The following PLPP2 variants were observed in gnomAD, a reference collection of about 807,000 sequenced individuals.
The protein encoded by PLPP2 is phospholipid phosphatase 2.
In PLPP2, 29 loss-of-function variants were observed where a neutral mutation model predicts 35.2. The ratio of observed to expected loss-of-function variants is 0.82; its 90% CI spans 0.61 to 1.12. The LOEUF is 1.12. Among genes scored for constraint, PLPP2 ranks in the 50% most tolerant of loss-of-function variants. The pLI is 0.00. For missense variants in PLPP2, 353 were observed against 375.2 expected (o/e 0.94, Z 0.49); for synonymous variants, 162 against 167.0 (o/e 0.97, Z 0.23).
In PLPP2 at chr19:288,109, C is replaced by A; in HGVS notation, c.115G>T (p.Gly39Trp). The change falls in exon 2 of 6, where the codon GGG becomes TGG. Residue 39 changes from glycine to tryptophan, a missense_variant. Transcript: ENST00000434325. ...TAGGGGTACCGGATGGAGTCATCCCCGCAGTAAAATCCTCGCTTGTACGGG... is the reference window on the plus strand; with the variant it reads ...TAGGGGTACCGGATGGAGTCATCCCAGCAGTAAAATCCTCGCTTGTACGGG... The part of the protein sequence containing the change: ...NAPYKRGFYC[G>W]DDSIRYPYRP... The A allele has an allele frequency of 1.9e-6, 3 of 1,613,036 alleles. No homozygotes were observed. Among genetic ancestry groups the A allele is most frequent in the Non-Finnish European group, 2.5e-6 (3 of 1,179,502 alleles).
intron 5 of PLPP2, chr19:281,889 T>C (rs111896193): frequency 0.029 from 10,247 of 358,642 alleles, 548 homozygotes; most frequent in Admixed American, 0.18. Flanking sequence ...GGGGAGGACT[T>C]TGGGGGTAAT....
chr19:291,198 C>G, intron 1 of PLPP2, 87 bp downstream of exon 1: 1 of 1,584,688 alleles, frequency 6.3e-7, no homozygotes, highest in Non-Finnish European at 8.6e-7. Context: ...CGCGCAGCCT[C>G]CGCGTTCCCC....
intron 1 of PLPP2, among the ~76,000 whole-genome samples, chr19:288,716 T>C (rs1970321703): frequency 6.6e-6 from 1 of 152,140 alleles, no homozygotes; most frequent in Non-Finnish European, 1.5e-5. Context: ...TCTGCTCTTT[T>C]TCCCTCTTCC....
At chr19:291,038 C>A in intron 1 of PLPP2, 1 of 1,280,544 alleles carries the variant, frequency 7.8e-7, no homozygotes, top group Non-Finnish European at 9.8e-7. Flanking sequence ...ATGCTGGCCC[C>A]GGCTCCCCGG....
At position 287,951 on chromosome 19, in the gene PLPP2, AGGCCCCCAGGGTAAAGCT is replaced by A; in HGVS notation, c.204+51_204+68del. The A allele has an allele frequency of 6.7e-7, 1 of 1,497,478 alleles. No individual in the cohort carries two copies. The highest frequency in any genetic ancestry group is 8.9e-7 in the Non-Finnish European group (1 of 1,118,134). The allele number at this position is 1,497,478 out of a possible 1,614,324, so 92.8% of individuals were successfully genotyped here. A position where few individuals can be genotyped will look rare whatever the true frequency, so the allele number is the denominator to read the frequency against. On this transcript the variant is annotated intron_variant, in intron 2 of 5. Transcript: ENST00000434325. The surrounding 1 kb of genome is among the most constrained non-coding windows in gnomAD (Gnocchi z 4.3). Reference sequence around the variant, plus strand: ...GGCAGGGCTGTGCCACCCCCCCATCAGGCCCCCAGGGTAAAGCTGGCCCCACCCCATCCCCCTACCCAG... The same window carrying A: ...GGCAGGGCTGTGCCACCCCCCCATCAGGCCCCACCCCATCCCCCTACCCAG...
chr19:289,532 G>A (rs952959718), intron 1 of PLPP2, among the ~76,000 whole-genome samples: 4 of 151,906 alleles, frequency 2.6e-5, no homozygotes, highest in African/African-American at 4.8e-5. Context: ...TGGCTAACAC[G>A]GTGAAACCCC....
At chr19:291,141 G>A (rs1431273793) in intron 1 of PLPP2, 144 bp downstream of exon 1, 1 of 1,439,310 alleles carries the variant, frequency 6.9e-7, no homozygotes, top group Admixed American at 2.5e-5. Flanking sequence ...GGGAGGTCTG[G>A]TCCTCACGCG....
chr19:285,203 C>T (rs112527004), intron 3 of PLPP2: 9,663 of 149,796 alleles, frequency 0.065, 384 homozygotes, highest in Middle Eastern at 0.11. Context: ...GAGGCCGAGG[C>T]GGGTGGATCA....
chr19:289,899 G>GCC (rs201889833), intron 1 of PLPP2, among the ~76,000 whole-genome samples: 1 of 148,810 alleles, frequency 6.7e-6, no homozygotes, highest in African/African-American at 2.4e-5. Context: ...AGGGAGTGCA[G>GCC]CCCGACCACA....
chr19:290,832 C>T (rs1380535483), intron 1 of PLPP2: 6 of 878,752 alleles, frequency 6.8e-6, no homozygotes, highest in South Asian at 1.2e-4. Context: ...CACCGGGTGC[C>T]AGGACCGAGG....
In PLPP2 at chr19:291,399, G is replaced by C; in HGVS notation, c.-63C>G. ...CGTCGCGTCCCGGCCCGGCCGCGGAGTCACGTGGCGCGGAGCCCGCCCCGC... is the reference window on the plus strand; with the variant it reads ...CGTCGCGTCCCGGCCCGGCCGCGGACTCACGTGGCGCGGAGCCCGCCCCGC... On this transcript the variant is annotated 5_prime_UTR_variant, in exon 1 of 6. Coordinates refer to ENST00000434325, the MANE Select transcript of PLPP2 (RefSeq NM_003712.4). The C allele has an allele frequency of 2.0e-6, 3 of 1,500,630 alleles. No homozygotes were observed. The highest frequency in any genetic ancestry group is 1.8e-6 in the Non-Finnish European group (2 of 1,115,184). The allele number at this position is 1,500,630 out of a possible 1,614,324, so 93.0% of individuals were successfully genotyped here.
chr19:282,000 G>T, intron 5 of PLPP2, 134 bp downstream of exon 5: 1 of 1,006,158 alleles, frequency 9.9e-7, no homozygotes, highest in Non-Finnish European at 1.5e-6. Context: ...GGGGGAAGGG[G>T]TCCCAGGGAG....
At position 281,388 on chromosome 19, in the gene PLPP2, TC is replaced by T; in HGVS notation, c.866del (p.Ter289=). The part of the protein sequence containing the change: ...NHYGYPHSSS[*>X] ...CTCCCTGCCTGGGCGGGGTCCGGCC[TC>T]AGGAGGAGGAGTGCGGGTATCCATA... On this transcript the variant is annotated frameshift_variant and stop_lost, in exon 6 of 6. Coordinates refer to ENST00000434325, the MANE Select transcript of PLPP2 (RefSeq NM_003712.4). LOFTEE classifies it high-confidence loss of function. 1 of 1,400,816 alleles carries T rather than the reference TC, an allele frequency of 7.1e-7. No individual in the cohort carries two copies. The highest frequency in any genetic ancestry group is 1.8e-5 in the South Asian group (1 of 54,952). The allele number at this position is 1,400,816 out of a possible 1,614,324, so 86.8% of individuals were successfully genotyped here.
At chr19:291,252 TC>T in intron 1 of PLPP2, 32 bp downstream of exon 1, 5 of 1,595,104 alleles carry the variant, frequency 3.1e-6, no homozygotes, top group Non-Finnish European at 4.3e-6. Flanking sequence ...CCCGGGAGGG[TC>T]CCCCCAACAC....
Position 287,491 on chromosome 19 carries a change from A to G in PLPP2, c.465T>C (p.Ala155=). 6.2e-7 allele frequency: 1 copy of G among 1,611,122 alleles called. No homozygotes were observed. The highest frequency in any genetic ancestry group is 8.5e-7 in the Non-Finnish European group (1 of 1,177,902). The part of the protein sequence containing the change: ...QLEKVCRGNP[A]DVTEARLSFY... ...ACACCCACCTGGCCTCGGTGACATC[A>G]GCAGGGTTTCCCCTGCACACCTTCT... The change falls in exon 3 of 6, where the codon GCT becomes GCC. Residue 155 remains alanine, a synonymous_variant. Transcript: ENST00000434325. The surrounding 1 kb of genome is among the most constrained non-coding windows in gnomAD (Gnocchi z 4.3).
chr19:281,627 CAGGTGGGAGCGAGGGGCCT>C (rs1970175693), intron 5 of PLPP2, 90 bp from the exon 6 acceptor site: 6 of 1,245,512 alleles, frequency 4.8e-6, no homozygotes, highest in Non-Finnish European at 6.4e-6. Flanking sequence ...AACAGGGTCC[CAGGTGGGAGCGAGGGGCCT>C]AGGTGGGAAA....
In PLPP2 at chr19:282,816, A is replaced by C. The variant is rs1300538820; in HGVS notation, c.483-7T>G. 1 of 1,613,372 alleles carries C rather than the reference A, an allele frequency of 6.2e-7. No individual in the cohort carries two copies. The highest frequency in any genetic ancestry group is 8.5e-7 in the Non-Finnish European group (1 of 1,179,610). ...TCCCGAGTAGAAAGACAACCTGAGG[A>C]AGGAGAAGGGGCAGGTGGCTCACTC... is the stretch of plus-strand genomic sequence containing the variant. On this transcript the variant is annotated splice_polypyrimidine_tract_variant and splice_region_variant and intron_variant, in intron 3 of 5. Coordinates refer to ENST00000434325, the MANE Select transcript of PLPP2 (RefSeq NM_003712.4).
intron 1 of PLPP2, 156 bp from the exon 2 acceptor site, chr19:288,327 C>T: frequency 1.5e-6 from 1 of 652,258 alleles, no homozygotes; most frequent in East Asian, 3.1e-5. Context: ...CTCCCTTTCG[C>T]ATCCCCTCAG....
chr19:290,871 G>A, intron 1 of PLPP2: 3 of 1,094,020 alleles, frequency 2.7e-6, no homozygotes, highest in Non-Finnish European at 3.5e-6. Context: ...CAGCGGGAGC[G>A]CCCACCCCAG....
Sources: allele counts gnomAD v4.1 joint callset (sites outside exome capture counted in the v4.1 genomes callset), GRCh38; gene constraint gnomAD v4.1.1; non-coding constraint Gnocchi (gnomAD v3.1); transcripts MANE v1.5; gene names NCBI Gene and HGNC (gene_info 2026-07-23, HGNC 2026-07-21).